The following ADAMTS17 variants were observed in gnomAD, a reference collection of about 807,000 sequenced individuals.
ADAMTS17 encodes A disintegrin and metalloproteinase with thrombospondin motifs 17.
ADAMTS17 carries 113 observed loss-of-function variants against 141.5 expected under a neutral mutation model. That is an observed-to-expected ratio of 0.80 (90% confidence interval 0.69 to 0.93). The LOEUF is 0.93. Ranked by LOEUF, ADAMTS17 falls within the 40% of genes least tolerant of loss-of-function variation. The probability of loss-of-function intolerance (pLI) is 0.00; values close to 1 mark genes in which losing one functional copy is unlikely to be tolerated. For synonymous variants in ADAMTS17, 768 were observed against 630.6 expected (o/e 1.22, Z -3.27); for missense variants, 1,659 against 1,517.9 (o/e 1.09, Z -1.54).
chr15:100,016,401 G>A lies in ADAMTS17; in HGVS notation c.2592-18812C>T, dbSNP rs934881645. 2.6e-4 allele frequency among the ~76,000 whole-genome samples: 40 copies of A among 152,124 alleles called. 1 individual carries two copies. Among genetic ancestry groups the A allele is most frequent in the Admixed American group, 1.6e-3 (24 of 15,272 alleles). ...TCATCTTGGTTTGGATCCATTGCTG[G>A]TGAACAAGTGTGAGTTTTTTGGGGG... On this transcript the variant is annotated intron_variant, in intron 18 of 21. Coordinates refer to ENST00000268070, the MANE Select transcript of ADAMTS17 (RefSeq NM_139057.4).
Position 100,341,041 on chromosome 15 carries a change from G to GGCCGCCGGCGGC in ADAMTS17, c.436_447dup (p.Ala146_Gly149dup), listed in dbSNP as rs1341575773. 1 of 1,522,926 alleles carries GGCCGCCGGCGGC rather than the reference G, an allele frequency of 6.6e-7. No homozygotes were observed. The allele number at this position is 1,522,926 out of a possible 1,614,324, so 94.3% of individuals were successfully genotyped here. ...CCCGGAGGTGGCGCGGGCAGTACCA[G>GGCCGCCGGCGGC]GCCGCCGGCGGCGCCGCAGGCGCTG... On this transcript the variant is annotated inframe_insertion, in exon 2 of 22. Coordinates refer to ENST00000268070, the MANE Select transcript of ADAMTS17 (RefSeq NM_139057.4).
intron 4 of ADAMTS17, among the ~76,000 whole-genome samples, chr15:100,275,084 C>T (rs931285674): frequency 6.6e-6 from 1 of 152,144 alleles, no homozygotes; most frequent in African/African-American, 2.4e-5. Flanking sequence ...CAGGGTGGGC[C>T]TCATCAGAGG....
At chr15:100,255,319 C>T (rs1439406628) in intron 6 of ADAMTS17, among the ~76,000 whole-genome samples, 1 of 152,148 alleles carries the variant, frequency 6.6e-6, no homozygotes, top group African/African-American at 2.4e-5. Flanking sequence ...CCAGGCCCCA[C>T]ACCCATCTTC....
At chr15:100,206,027 G>A (rs1038892869) in intron 7 of ADAMTS17, among the ~76,000 whole-genome samples, 2 of 152,190 alleles carry the variant, frequency 1.3e-5, no homozygotes, top group Admixed American at 1.3e-4. Context: ...ACAGCTGAGG[G>A]CCCCTCAGTG....
intron 7 of ADAMTS17, among the ~76,000 whole-genome samples, chr15:100,237,100 T>C (rs1034178870): frequency 1.2e-4 from 19 of 152,028 alleles, no homozygotes; most frequent in African/African-American, 4.6e-4. Context: ...TCTTACCCTT[T>C]CAGCACAAGC....
chr15:100,181,552 T>G (rs943797554), intron 8 of ADAMTS17, among the ~76,000 whole-genome samples: 1 of 152,172 alleles, frequency 6.6e-6, no homozygotes, highest in African/African-American at 2.4e-5. Context: ...CAGGACTGGG[T>G]GCTTCCCTTC....
chr15:100,091,903 T>C (rs1176543180), intron 15 of ADAMTS17, among the ~76,000 whole-genome samples: 1 of 152,114 alleles, frequency 6.6e-6, no homozygotes, highest in Non-Finnish European at 1.5e-5. Context: ...CTAATGGTGG[T>C]TCCTGGGTCT....
chr15:100,244,477 G>A (rs1409949249), intron 7 of ADAMTS17, among the ~76,000 whole-genome samples: 3 of 151,656 alleles, frequency 2.0e-5, no homozygotes, highest in Non-Finnish European at 4.4e-5. Flanking sequence ...TCATGGGAGG[G>A]ACCTGGTGGG....
intron 3 of ADAMTS17, among the ~76,000 whole-genome samples, chr15:100,309,013 C>T (rs1456154157): frequency 6.6e-6 from 1 of 152,250 alleles, no homozygotes; most frequent in Non-Finnish European, 1.5e-5. Flanking sequence ...AAGAAAGCTA[C>T]GTTCTCAACA....
chr15:100,167,770 G>C (rs55998414), intron 8 of ADAMTS17, among the ~76,000 whole-genome samples: 3,190 of 152,316 alleles, frequency 0.021, 134 homozygotes, highest in East Asian at 0.17. Context: ...GATAATTATG[G>C]GAAAAGGTCT....
intron 15 of ADAMTS17, among the ~76,000 whole-genome samples, chr15:100,094,771 G>C (rs934600544): frequency 1.3e-5 from 2 of 152,234 alleles, no homozygotes; most frequent in African/African-American, 4.8e-5. Context: ...ACCAACTGCA[G>C]GAGTTTTGCT....
intron 7 of ADAMTS17, among the ~76,000 whole-genome samples, chr15:100,218,918 T>C (rs577165231): frequency 6.6e-6 from 1 of 151,008 alleles, no homozygotes; most frequent in Non-Finnish European, 1.5e-5. Context: ...CACCTGAACA[T>C]GCACACGTCC....
In ADAMTS17 at chr15:100,158,722, A is replaced by G. The variant is rs116612348; in HGVS notation, c.1182-3402T>C. Among the ~76,000 whole-genome samples, 560 of 152,364 alleles carry G rather than the reference A, an allele frequency of 3.7e-3. 7 individuals carry two copies. Among genetic ancestry groups the G allele is most frequent in the Middle Eastern group, 0.01 (3 of 294 alleles). On this transcript the variant is annotated intron_variant, in intron 8 of 21. Coordinates refer to ENST00000268070, the MANE Select transcript of ADAMTS17 (RefSeq NM_139057.4). ...GCAACTAGCTTATTTCATTTAGCAT[A>G]AAGTAACGGATTAAGTTTTAAAATA...
chr15:100,166,952 T>C (rs918779775), intron 8 of ADAMTS17, among the ~76,000 whole-genome samples: 5 of 152,172 alleles, frequency 3.3e-5, no homozygotes, highest in African/African-American at 1.2e-4. Context: ...CAGCAGGCTA[T>C]TGGTATGTAG....
chr15:100,196,172 A>G lies in ADAMTS17; in HGVS notation c.1181+3146T>C, dbSNP rs563155892. On this transcript the variant is annotated intron_variant, in intron 8 of 21. Coordinates refer to ENST00000268070, the MANE Select transcript of ADAMTS17 (RefSeq NM_139057.4). ...TAAGTTTAATTACAACTTAGGACCTATTTGACTGCAAATTGGATTAGAGCC... is the reference window on the plus strand; with the variant it reads ...TAAGTTTAATTACAACTTAGGACCTGTTTGACTGCAAATTGGATTAGAGCC... 3.9e-4 allele frequency among the ~76,000 whole-genome samples: 60 copies of G among 152,378 alleles called. No individual in the cohort carries two copies. The South Asian group carries it at 8.7e-3, about 22-fold the overall frequency.
chr15:99,977,372 AT>A lies in ADAMTS17; in HGVS notation c.2950-1151del, dbSNP rs1567632071. Among the ~76,000 whole-genome samples the A allele has an allele frequency of 1.7e-3, 21 of 12,396 alleles. 2 individuals are homozygous for A. The highest frequency in any genetic ancestry group is 2.7e-3 in the South Asian group (1 of 368). The allele number at this position is 12,396 out of a possible 152,430, so 8.1% of individuals were successfully genotyped here. A position where few individuals can be genotyped will look rare whatever the true frequency, so the allele number is the denominator to read the frequency against. On this transcript the variant is annotated intron_variant, in intron 20 of 21. Coordinates refer to ENST00000268070, the MANE Select transcript of ADAMTS17 (RefSeq NM_139057.4). ...TTCATATATATATATATATATATAT[AT>A]ATATATATATATATATATATATATA...
intron 14 of ADAMTS17, among the ~76,000 whole-genome samples, chr15:100,098,839 G>A (rs1277512728): frequency 6.6e-6 from 1 of 152,156 alleles, no homozygotes; most frequent in Non-Finnish European, 1.5e-5. Context: ...GGGCCACAGG[G>A]CCAATGCCCA....
At chr15:100,326,610 T>C (rs533612877) in intron 3 of ADAMTS17, among the ~76,000 whole-genome samples, 1 of 152,280 alleles carries the variant, frequency 6.6e-6, no homozygotes, top group East Asian at 1.9e-4. Flanking sequence ...ACCAAGTGTG[T>C]GATGGCTGGC....
intron 13 of ADAMTS17, among the ~76,000 whole-genome samples, chr15:100,113,426 G>A (rs543273781): frequency 6.6e-6 from 1 of 152,168 alleles, no homozygotes; most frequent in South Asian, 2.1e-4. Flanking sequence ...ACAGACCCAC[G>A]TGACTGACTA....
Sources: gnomAD v4.1 joint callset for allele counts (sites outside exome capture counted in the v4.1 genomes callset) on GRCh38, gnomAD v4.1.1 for gene constraint, MANE v1.5 for transcripts, NCBI Gene and HGNC (gene_info 2026-07-23, HGNC 2026-07-21) for gene names.